CTDP1: variants seen among roughly 807,000 people sequenced by gnomAD.
CTDP1 encodes the protein RNA polymerase II subunit A C-terminal domain phosphatase.
CTDP1 carries 47 observed loss-of-function variants against 91.8 expected under a neutral mutation model. That is an observed-to-expected ratio of 0.51 (90% CI 0.41 to 0.65). The LOEUF (loss-of-function observed/expected upper bound fraction) is 0.65. Among genes scored for constraint, CTDP1 ranks in the 30% least tolerant of loss-of-function variants. CTDP1 has a pLI of 0.00. For missense variants in CTDP1, 1,272 were observed against 1,373.7 expected, an observed-to-expected ratio of 0.93 and a Z score of 1.17; for synonymous variants, 656 against 598.5, an observed-to-expected ratio of 1.10 and a Z score of -1.40.
chr18:79,690,365 G>T (rs113814981), intron 1 of CTDP1, among the ~76,000 whole-genome samples: 15 of 152,314 alleles, frequency 9.8e-5, no homozygotes, highest in African/African-American at 3.4e-4. Context: ...GCATGTCATG[G>T]CTTTCTCATG....
At position 79,710,334 on chromosome 18, in the gene CTDP1, T is replaced by G; in HGVS notation, c.773-12T>G. On this transcript the variant is annotated splice_polypyrimidine_tract_variant and intron_variant, in intron 5 of 12. Transcript: ENST00000613122. ...TCAGGTATGTAATCTTTGTCCTGTT[T>G]TCTTTTCCAAGGCTTTTTAGACCCC... The G allele has an allele frequency of 6.2e-7, 1 of 1,609,736 alleles. No individual in the cohort carries two copies. The highest frequency in any genetic ancestry group is 8.5e-7 in the Non-Finnish European group (1 of 1,176,148).
At position 79,736,529 on chromosome 18, in the gene CTDP1, C is replaced by T. The variant is rs750479204; in HGVS notation, c.2747+8C>T. ...AGGGGGCCGGGGGCCCAGGTGAGTG[C>T]GGGGTCTGAGGTGGGAGGGGCCTGA... On this transcript the variant is annotated splice_region_variant and intron_variant, in intron 12 of 12. Coordinates refer to ENST00000613122, the MANE Select transcript of CTDP1 (RefSeq NM_004715.5). 55 of 1,535,498 alleles carry T rather than the reference C, an allele frequency of 3.6e-5. No homozygotes were observed. The East Asian group carries it at 6.4e-4, about 18-fold the overall frequency.
At chr18:79,694,548 G>A (rs1343735404) in intron 1 of CTDP1, among the ~76,000 whole-genome samples, 8 of 146,612 alleles carry the variant, frequency 5.5e-5, no homozygotes, top group African/African-American at 2.0e-4. Context: ...GGGGGCTGCG[G>A]ACACCTAGGG....
intron 4 of CTDP1, 58 bp from the exon 5 acceptor site, chr18:79,704,709 G>A (rs1038597618): frequency 1.5e-5 from 24 of 1,605,740 alleles, no homozygotes; most frequent in South Asian, 8.8e-5. Context: ...CACAGGTTGC[G>A]GGGGCGGCCG....
At chr18:79,741,796 A>G (rs1356650564) in intron 12 of CTDP1, among the ~76,000 whole-genome samples, 1 of 152,224 alleles carries the variant, frequency 6.6e-6, no homozygotes, top group Non-Finnish European at 1.5e-5. Flanking sequence ...ACAACAGGGA[A>G]TAGTGCTCCA....
chr18:79,718,772 A>C (rs1271690952), intron 10 of CTDP1, among the ~76,000 whole-genome samples: 1 of 152,160 alleles, frequency 6.6e-6, no homozygotes, highest in Non-Finnish European at 1.5e-5. Flanking sequence ...CAACTCAATT[A>C]AACTTGACCC....
intron 12 of CTDP1, among the ~76,000 whole-genome samples, chr18:79,741,401 T>A (rs1196559827): frequency 6.6e-6 from 1 of 152,234 alleles, no homozygotes; most frequent in Non-Finnish European, 1.5e-5. Context: ...CGCGGAGAAG[T>A]GAAAACGACA....
intron 10 of CTDP1, among the ~76,000 whole-genome samples, 192 bp from the exon 11 acceptor site, chr18:79,728,715 C>T (rs2086502430): frequency 2.0e-5 from 3 of 152,256 alleles, no homozygotes; most frequent in Admixed American, 2.0e-4. Context: ...GCCAGTCACC[C>T]TGGCTCAGTT....
At position 79,714,486 on chromosome 18, in the gene CTDP1, TTTA is replaced by T; in HGVS notation, c.1031-4_1031-2del. 1 of 1,613,070 alleles carries T rather than the reference TTTA, an allele frequency of 6.2e-7. No homozygotes were observed. Among genetic ancestry groups the T allele is most frequent in the African/African-American group, 1.3e-5 (1 of 75,058 alleles). ...GGTAACTTTTCCTTTTGCATGCATA[TTTA>T]GTAAATCATTCTCGAGGCACTGAGG... is the stretch of plus-strand genomic sequence containing the variant. On this transcript the variant is annotated splice_acceptor_variant and splice_polypyrimidine_tract_variant and intron_variant, in intron 7 of 12. Transcript: ENST00000613122. LOFTEE classifies it high-confidence loss of function.
At chr18:79,712,416 G>T (rs1049286607) in intron 6 of CTDP1, among the ~76,000 whole-genome samples, 4 of 152,154 alleles carry the variant, frequency 2.6e-5, no homozygotes, top group Non-Finnish European at 4.4e-5. Context: ...TGAGTAGCCG[G>T]GACTACGGGC....
intron 12 of CTDP1, among the ~76,000 whole-genome samples, chr18:79,739,656 G>A (rs940492810): frequency 9.2e-5 from 14 of 152,140 alleles, no homozygotes; most frequent in East Asian, 1.9e-4. Flanking sequence ...TGTAATTGCC[G>A]TTTCACTCTA....
Position 79,680,070 on chromosome 18 carries a change from G to A in CTDP1, c.123G>A (p.Ala41=), listed in dbSNP as rs2085324876. The change falls in exon 1 of 13, where the codon GCG becomes GCA. Residue 41 remains alanine, a synonymous_variant. Transcript: ENST00000613122. ...TGGAGTGGAGGGTGGCGGCGGGCGC[G>A]GCCGTGCGCATCGGCTCGGTGCTGG... The part of the protein sequence containing the change: ...RLLEWRVAAG[A]AVRIGSVLAV... 3.2e-6 allele frequency: 4 copies of A among 1,260,570 alleles called. No individual in the cohort carries two copies. Among genetic ancestry groups the A allele is most frequent in the South Asian group, 5.8e-5 (2 of 34,294 alleles). 78.1% of individuals were successfully genotyped at this position (1,260,570 alleles called of 1,614,324 possible). A position where few individuals can be genotyped will look rare whatever the true frequency, so the allele number is the denominator to read the frequency against.
chr18:79,749,219 G>GT (rs1163386795), intron 12 of CTDP1, among the ~76,000 whole-genome samples: 1 of 152,170 alleles, frequency 6.6e-6, no homozygotes, highest in African/African-American at 2.4e-5. Context: ...GAAAAGAATT[G>GT]TTGGAACTGG....
intron 12 of CTDP1, among the ~76,000 whole-genome samples, chr18:79,749,266 T>C (rs2086944235): frequency 6.6e-6 from 1 of 152,232 alleles, no homozygotes; most frequent in Non-Finnish European, 1.5e-5. Context: ...CTCTCCCTGC[T>C]TGCCCCAGGG....
At chr18:79,720,204 TAGGA>T (rs2086309780) in intron 10 of CTDP1, among the ~76,000 whole-genome samples, 1 of 148,200 alleles carries the variant, frequency 6.7e-6, no homozygotes, top group Non-Finnish European at 1.5e-5. Context: ...CTCCTGTCGT[TAGGA>T]AGGCGTCCTG....
chr18:79,729,990 G>A (rs186257813), intron 11 of CTDP1, among the ~76,000 whole-genome samples: 12 of 152,344 alleles, frequency 7.9e-5, no homozygotes, highest in Non-Finnish European at 1.8e-4. Context: ...GGCAGCAGAG[G>A]TTCTTGAGGA....
rs777686914 is a variant in CTDP1, at chr18:79,712,938, T to A, written c.864-34T>A. On this transcript the variant is annotated intron_variant, in intron 6 of 12. Transcript: ENST00000613122. ...GATGAATGACTACAACTTTTCATTA[T>A]TATTTTTTGTAAATTATGCATTTTC... The A allele has an allele frequency of 4.9e-5, 78 of 1,608,066 alleles. 2 individuals are homozygous for A. The highest frequency in any genetic ancestry group is 2.6e-6 in the Non-Finnish European group (3 of 1,174,678).
At chr18:79,726,125 C>T (rs36023428) in intron 10 of CTDP1, among the ~76,000 whole-genome samples, 18,726 of 152,216 alleles carry the variant, frequency 0.12, 1,561 homozygotes, top group Non-Finnish European at 0.19. Context: ...AGCAGGGACA[C>T]GGATGCTGAG....
chr18:79,755,619 C>T (rs1444035345), downstream of CTDP1: 4 of 152,298 alleles, frequency 2.6e-5, no homozygotes, highest in African/African-American at 9.7e-5. Flanking sequence ...GACCTTCCCT[C>T]CTTCCACAGT....
Sources: gnomAD v4.1 joint callset for allele counts (sites outside exome capture counted in the v4.1 genomes callset) on GRCh38, gnomAD v4.1.1 for gene constraint, MANE v1.5 for transcripts, NCBI Gene and HGNC (gene_info 2026-07-23, HGNC 2026-07-21) for gene names.